HMCES: variants seen among roughly 807,000 people sequenced by gnomAD.
HMCES encodes the protein abasic site processing protein HMCES.
HMCES carries 27 observed loss-of-function variants against 35.1 expected under a neutral mutation model. The ratio of observed to expected loss-of-function variants is 0.77; its 90% CI spans 0.57 to 1.06. The LOEUF is 1.06. Among genes scored for constraint, HMCES ranks in the 50% least tolerant of loss-of-function variants. HMCES has a pLI of 0.00. For missense variants in HMCES, 391 were observed against 430.4 expected (o/e 0.91, Z 0.81); for synonymous variants, 130 against 154.7 (o/e 0.84, Z 1.18).
intron 2 of HMCES, among the ~76,000 whole-genome samples, chr3:129,287,606 C>T (rs1336477930): frequency 6.6e-6 from 1 of 152,132 alleles, no homozygotes; most frequent in African/African-American, 2.4e-5. Context: ...TTTACACAGA[C>T]TAGGCGGAAT....
chr3:129,288,043 C>T (rs1323368069), intron 2 of HMCES, among the ~76,000 whole-genome samples: 1 of 151,954 alleles, frequency 6.6e-6, no homozygotes, highest in South Asian at 2.1e-4. Context: ...GGCAACAGAG[C>T]GAGACTCCGT....
At chr3:129,297,355 C>T (rs935933014) in intron 4 of HMCES, among the ~76,000 whole-genome samples, 1 of 152,206 alleles carries the variant, frequency 6.6e-6, no homozygotes, top group South Asian at 2.1e-4. Context: ...TCTCCTTCCC[C>T]AGCCTCTGTG....
Position 129,295,138 on chromosome 3 carries a change from G to A in HMCES, c.454-3216G>A, listed in dbSNP as rs1427752317. Among the ~76,000 whole-genome samples, 6 of 138,176 alleles carry A rather than the reference G, an allele frequency of 4.3e-5. No individual in the cohort carries two copies. The East Asian group carries it at 6.2e-4, about 14-fold the overall frequency. 90.6% of individuals were successfully genotyped at this position (138,176 alleles called of 152,430 possible). On this transcript the variant is annotated intron_variant, in intron 4 of 6. Coordinates refer to ENST00000383463, the MANE Select transcript of HMCES (RefSeq NM_020187.3). ...GGCGCCACTGCACTCCAGCCTGGGC[G>A]ACAGAGTGAGACTCCATCTCAAAAA...
intron 4 of HMCES, among the ~76,000 whole-genome samples, chr3:129,292,876 A>T (rs2071041531): frequency 6.6e-6 from 1 of 152,216 alleles, no homozygotes; most frequent in East Asian, 1.9e-4. Context: ...TACTTTTATT[A>T]AAAAAATGTT....
chr3:129,283,579 T>A (rs951360509), intron 2 of HMCES, among the ~76,000 whole-genome samples: 11 of 152,002 alleles, frequency 7.2e-5, no homozygotes, highest in African/African-American at 2.7e-4. Context: ...ACCTGTAATC[T>A]CATTACTTTG....
Position 129,304,843 on chromosome 3 carries a change from C to T in HMCES, c.*18C>T, listed in dbSNP as rs1252690198. 1.3e-6 allele frequency: 2 copies of T among 1,588,678 alleles called. No individual in the cohort carries two copies. The highest frequency in any genetic ancestry group is 2.2e-5 in the East Asian group (1 of 44,772). The stretch of plus-strand genomic sequence containing the variant: ...GCCAGTGACACAGGACTTTCAGAGA[C>T]CAAGGCCAGGGTCTGCTGCACTGCT... On this transcript the variant is annotated 3_prime_UTR_variant, in exon 7 of 7. Coordinates refer to ENST00000383463, the MANE Select transcript of HMCES (RefSeq NM_020187.3).
intron 6 of HMCES, 52 bp from the exon 7 acceptor site, chr3:129,304,536 CT>C: frequency 6.6e-7 from 1 of 1,513,996 alleles, no homozygotes; most frequent in Non-Finnish European, 9.1e-7. Context: ...TGGACTTGGC[CT>C]TTTCCCAAAA....
At chr3:129,294,329 A>T (rs1016741608) in intron 4 of HMCES, among the ~76,000 whole-genome samples, 1 of 152,144 alleles carries the variant, frequency 6.6e-6, no homozygotes, top group African/African-American at 2.4e-5. Context: ...AGGCTGAGGC[A>T]GGAGAATGGT....
chr3:129,302,183 G>A (rs753032575), intron 6 of HMCES, 41 bp downstream of exon 6: 2 of 1,509,644 alleles, frequency 1.3e-6, no homozygotes, highest in Non-Finnish European at 1.8e-6. Flanking sequence ...TGAGCTTTCT[G>A]TCTTCTGTCA....
chr3:129,280,537 A>G (rs1940445385), intron 2 of HMCES, among the ~76,000 whole-genome samples: 1 of 152,244 alleles, frequency 6.6e-6, no homozygotes, highest in African/African-American at 2.4e-5. Context: ...GAATATTTCT[A>G]TGCCCTTTAC....
intron 2 of HMCES, among the ~76,000 whole-genome samples, chr3:129,286,297 G>T (rs1404662079): frequency 3.3e-5 from 5 of 152,146 alleles, no homozygotes; most frequent in Admixed American, 3.3e-4. Flanking sequence ...CCTTATAAAA[G>T]ACACCCCAGA....
At chr3:129,296,561 C>G (rs62266901) in intron 4 of HMCES, among the ~76,000 whole-genome samples, 18,752 of 151,930 alleles carry the variant, frequency 0.12, 1,307 homozygotes, top group Middle Eastern at 0.23. Flanking sequence ...TTCTATATCT[C>G]TTGGTGGTTG....
rs1940416661 is a variant in HMCES at position 129,279,875 on chromosome 3, C to G, written c.143C>G (p.Ser48Cys). 6.2e-7 allele frequency: 1 copy of G among 1,609,142 alleles called. No individual in the cohort carries two copies. The highest frequency in any genetic ancestry group is 8.5e-7 in the Non-Finnish European group (1 of 1,178,172). The change falls in exon 2 of 7, where the codon TCC becomes TGC. Residue 48 changes from serine (S) to cysteine (C), a missense_variant. Physicochemically the swap from Ser to Cys is moderately radical, Grantham distance 112 (BLOSUM62 -1). Transcript: ENST00000383463. The surrounding 1 kb of genome is among the most constrained non-coding windows in gnomAD (Gnocchi z 4.2). Reference sequence around the variant, plus strand: ...CCCTCTTACAACAAGAGTCCTCAATCCAACAGCCCAGTGCTTCTGTCTCGA... The same window carrying G: ...CCCTCTTACAACAAGAGTCCTCAATGCAACAGCCCAGTGCTTCTGTCTCGA... ...YCPSYNKSPQ[S>C]NSPVLLSRLH...
At chr3:129,286,980 C>A (rs1037648369) in intron 2 of HMCES, among the ~76,000 whole-genome samples, 2 of 152,156 alleles carry the variant, frequency 1.3e-5, no homozygotes, top group African/African-American at 2.4e-5. Flanking sequence ...TTTAGAGATT[C>A]ATTAGAAGGG....
chr3:129,296,032 C>T lies in HMCES; in HGVS notation c.454-2322C>T, dbSNP rs150889358. On this transcript the variant is annotated intron_variant, in intron 4 of 6. Transcript: ENST00000383463. ...CCATTTTTCTTTCTTTTTTTCTTCTCTGTTTCAGTTTAGATACTTTTCACT... is the reference window on the plus strand; with the variant it reads ...CCATTTTTCTTTCTTTTTTTCTTCTTTGTTTCAGTTTAGATACTTTTCACT... Among the ~76,000 whole-genome samples, 1,392 of 151,992 alleles carry T rather than the reference C, an allele frequency of 9.2e-3. 23 individuals carry two copies. Among genetic ancestry groups the T allele is most frequent in the African/African-American group, 0.032 (1,318 of 41,452 alleles).
intron 5 of HMCES, among the ~76,000 whole-genome samples, chr3:129,300,883 T>C (rs1024855953): frequency 1.2e-4 from 19 of 152,124 alleles, no homozygotes; most frequent in African/African-American, 4.6e-4. Context: ...TACAAAAAAT[T>C]AGCCAGACGT....
chr3:129,293,465 AC>A (rs1458103572), intron 4 of HMCES, among the ~76,000 whole-genome samples: 3 of 152,264 alleles, frequency 2.0e-5, no homozygotes, highest in Non-Finnish European at 2.9e-5. Context: ...AATTTATAAA[AC>A]ATCTATCAAT....
chr3:129,286,693 C>G (rs1230035234), intron 2 of HMCES, among the ~76,000 whole-genome samples: 1 of 152,102 alleles, frequency 6.6e-6, no homozygotes, highest in Admixed American at 6.5e-5. Flanking sequence ...TTTTTTCATC[C>G]AAATCCATTT....
intron 4 of HMCES, 101 bp from the exon 5 acceptor site, chr3:129,298,253 T>G: frequency 9.0e-7 from 1 of 1,109,392 alleles, no homozygotes; most frequent in Non-Finnish European, 1.3e-6. Flanking sequence ...TGAATTACTT[T>G]TAAAATGATT....
Sources: allele counts gnomAD v4.1 joint callset (sites outside exome capture counted in the v4.1 genomes callset), GRCh38; gene constraint gnomAD v4.1.1; non-coding constraint Gnocchi (gnomAD v3.1); transcripts MANE v1.5; gene names NCBI Gene and HGNC (gene_info 2026-07-23, HGNC 2026-07-21).